LDLRAD4: variants seen among roughly 807,000 people sequenced by gnomAD.
LDLRAD4 encodes the protein low-density lipoprotein receptor class A domain-containing protein 4.
A neutral mutation model predicts 17.0 loss-of-function variants in LDLRAD4; 5 were observed. The ratio of observed to expected loss-of-function variants is 0.29; its 90% confidence interval spans 0.15 to 0.62. The LOEUF (loss-of-function observed/expected upper bound fraction) is 0.62. LDLRAD4 is among the 20% of genes least tolerant of loss of function. LDLRAD4 has a pLI of 0.84. For missense variants in LDLRAD4, 340 were observed against 424.7 expected, an observed-to-expected ratio of 0.80 and a Z score of 1.75; for synonymous variants, 168 against 171.8, an observed-to-expected ratio of 0.98 and a Z score of 0.17.
intron 2 of LDLRAD4, among the ~76,000 whole-genome samples, chr18:13,404,852 G>A (rs750274964): frequency 1.3e-5 from 2 of 151,860 alleles, no homozygotes; most frequent in African/African-American, 4.8e-5. Flanking sequence ...ACAAATTCAG[G>A]CCCTGTTTTA....
At chr18:13,218,529 C>G (rs889954273), upstream of LDLRAD4, among the ~76,000 whole-genome samples, 7 of 152,160 alleles carry the variant, frequency 4.6e-5, no homozygotes, top group Non-Finnish European at 1.0e-4. Context: ...CGGGCAGGGA[C>G]TGGAGGTCAG....
At chr18:13,394,836 G>A (rs1258156925) in intron 2 of LDLRAD4, among the ~76,000 whole-genome samples, 4 of 152,246 alleles carry the variant, frequency 2.6e-5, no homozygotes, top group African/African-American at 4.8e-5. Context: ...TCTGAAACTT[G>A]GATGTTGTAG....
chr18:13,333,225 T>C (rs976626583), intron 1 of LDLRAD4, among the ~76,000 whole-genome samples: 2 of 152,248 alleles, frequency 1.3e-5, no homozygotes, highest in African/African-American at 2.4e-5. Flanking sequence ...TGAGAGACTA[T>C]CTGTTAAAGT....
intron 1 of LDLRAD4, among the ~76,000 whole-genome samples, chr18:13,238,970 G>C (rs1403497599): frequency 1.3e-5 from 2 of 152,064 alleles, no homozygotes; most frequent in Non-Finnish European, 2.9e-5. Context: ...CGGATCACCT[G>C]AGGTCAGGAG....
At chr18:13,409,804 G>C (rs2088152765) in intron 2 of LDLRAD4, among the ~76,000 whole-genome samples, 2 of 152,132 alleles carry the variant, frequency 1.3e-5, no homozygotes, top group Admixed American at 1.3e-4. Context: ...ACCTGATACT[G>C]GGTGCTGAAA....
At chr18:13,610,291 T>A (rs1166511690) in intron 3 of LDLRAD4, among the ~76,000 whole-genome samples, 2 of 67,128 alleles carry the variant, frequency 3.0e-5, no homozygotes, top group South Asian at 6.2e-4. Flanking sequence ...TTTTTTTTTT[T>A]TTTTTTTTTT....
intron 3 of LDLRAD4, among the ~76,000 whole-genome samples, chr18:13,467,176 G>A (rs557345938): frequency 2.6e-5 from 4 of 152,206 alleles, no homozygotes; most frequent in South Asian, 2.1e-4. Context: ...GAAATAAAAG[G>A]CATCCAATTG....
chr18:13,223,710 C>T (rs2041593935), intron 1 of LDLRAD4, among the ~76,000 whole-genome samples: 1 of 152,226 alleles, frequency 6.6e-6, no homozygotes, highest in African/African-American at 2.4e-5. Flanking sequence ...GCTCCAAGTG[C>T]TTCTGTAGCC....
intron 3 of LDLRAD4, among the ~76,000 whole-genome samples, chr18:13,524,545 C>T (rs1469922947): frequency 6.6e-6 from 1 of 152,206 alleles, no homozygotes; most frequent in African/African-American, 2.4e-5. Context: ...AGGAAAGTTA[C>T]TGTCTGTATC....
chr18:13,579,165 G>A (rs966058539), intron 3 of LDLRAD4, among the ~76,000 whole-genome samples: 2 of 151,972 alleles, frequency 1.3e-5, no homozygotes, highest in African/African-American at 4.8e-5. Context: ...ACTCCAGCCT[G>A]GGTGGCAGAG....
chr18:13,288,454 A>C (rs149175660), intron 1 of LDLRAD4, among the ~76,000 whole-genome samples: 152 of 152,342 alleles, frequency 1.0e-3, no homozygotes, highest in Admixed American at 1.9e-3. Flanking sequence ...TGCTAATAGG[A>C]CCAGATACAC....
intron 4 of LDLRAD4, among the ~76,000 whole-genome samples, chr18:13,632,248 T>C (rs918194944): frequency 1.3e-5 from 2 of 152,218 alleles, no homozygotes; most frequent in Non-Finnish European, 2.9e-5. Flanking sequence ...ACTGGGCTCA[T>C]CCTGCCCACT....
intron 3 of LDLRAD4, among the ~76,000 whole-genome samples, chr18:13,442,228 C>A (rs2091069417): frequency 6.6e-6 from 1 of 152,148 alleles, no homozygotes; most frequent in Admixed American, 6.5e-5. Flanking sequence ...AAAATATAGA[C>A]CCTGCTATCA....
At chr18:13,597,800 T>A (rs746814699) in intron 3 of LDLRAD4, among the ~76,000 whole-genome samples, 13 of 152,342 alleles carry the variant, frequency 8.5e-5, no homozygotes, top group Admixed American at 3.3e-4. Context: ...ATTGATCTAC[T>A]GTTAAGCTCT....
rs757857172 is a variant in LDLRAD4 at position 13,645,435 on chromosome 18, C to T, written c.699C>T (p.Ser233=). Residue 233 remains serine (S), a synonymous_variant, in exon 6 of 6, where the codon AGC becomes AGT. Coordinates refer to ENST00000359446, the Ensembl canonical transcript of LDLRAD4. This position sits in a 1 kb window ranked among gnomAD's most constrained non-coding sequence, Gnocchi z 5.7. ...GCGGGGGTCCATGCCCACCCAGCAG[C>T]AACTCGGGCATCAGTGCAAGCACCT... is the stretch of plus-strand genomic sequence containing the variant. 6.2e-7 allele frequency: 1 copy of T among 1,614,078 alleles called. No individual in the cohort carries two copies. The highest frequency in any genetic ancestry group is 8.5e-7 in the Non-Finnish European group (1 of 1,180,002).
chr18:13,612,924 G>T (rs1047025242), intron 3 of LDLRAD4: 39 of 791,910 alleles, frequency 4.9e-5, no homozygotes, highest in Non-Finnish European at 7.0e-5. Flanking sequence ...TGTCAACTCA[G>T]AACATTTCCG....
intron 2 of LDLRAD4, among the ~76,000 whole-genome samples, chr18:13,433,934 C>T (rs1007254652): frequency 2.0e-5 from 3 of 152,156 alleles, no homozygotes; most frequent in East Asian, 1.9e-4. Flanking sequence ...GGTTTCCTCT[C>T]GATCCGATGG....
At chr18:13,568,280 T>G (rs1601443036) in intron 3 of LDLRAD4, among the ~76,000 whole-genome samples, 3 of 145,120 alleles carry the variant, frequency 2.1e-5, no homozygotes, top group Admixed American at 6.9e-5. Context: ...GGTGACAGAG[T>G]GAGACTCCGT....
At chr18:13,247,921 C>A (rs939064943) in intron 1 of LDLRAD4, among the ~76,000 whole-genome samples, 1 of 149,168 alleles carries the variant, frequency 6.7e-6, no homozygotes, top group Non-Finnish European at 1.5e-5. Context: ...CCCAGTGGTT[C>A]AGAAAACCTG....
Sources: allele counts gnomAD v4.1 joint callset (sites outside exome capture counted in the v4.1 genomes callset), GRCh38; gene constraint gnomAD v4.1.1; non-coding constraint Gnocchi (gnomAD v3.1); transcripts MANE v1.5; gene names NCBI Gene and HGNC (gene_info 2026-07-23, HGNC 2026-07-21).